The following CPQ variants were observed in gnomAD, a reference collection of about 807,000 sequenced individuals.
The protein encoded by CPQ is carboxypeptidase Q.
Under a neutral mutation model 45.7 loss-of-function variants are expected in CPQ, and 37 were observed. The ratio of observed to expected loss-of-function variants is 0.81; its 90% CI spans 0.62 to 1.07. CPQ has a LOEUF of 1.07. Ranked by LOEUF, CPQ falls within the 50% of genes least tolerant of loss-of-function variation. The pLI, the probability that CPQ is intolerant of heterozygous loss-of-function variation, is 0.00. For synonymous variants in CPQ, 186 were observed against 205.8 expected (o/e 0.90, Z 0.82); for missense variants, 537 against 572.9 (o/e 0.94, Z 0.64).
At chr8:97,043,185 A>G (rs369033475) in intron 6 of CPQ, among the ~76,000 whole-genome samples, 11 of 152,246 alleles carry the variant, frequency 7.2e-5, no homozygotes, top group African/African-American at 2.4e-4. Flanking sequence ...TTGGGTGCAT[A>G]TATATTTAGG....
intron 4 of CPQ, among the ~76,000 whole-genome samples, chr8:96,937,234 CAG>C (rs1452507108): frequency 6.6e-6 from 1 of 152,200 alleles, no homozygotes; most frequent in East Asian, 1.9e-4. Context: ...CACTTAAACT[CAG>C]GGAATCAGGA....
intron 1 of CPQ, among the ~76,000 whole-genome samples, chr8:96,684,258 G>A (rs1809193867): frequency 6.6e-6 from 1 of 152,166 alleles, no homozygotes; most frequent in Non-Finnish European, 1.5e-5. Flanking sequence ...TTTTGATTCT[G>A]GTTGGGCACG....
intron 5 of CPQ, among the ~76,000 whole-genome samples, chr8:97,014,597 G>A (rs1267483442): frequency 6.7e-6 from 1 of 148,220 alleles, no homozygotes; most frequent in Non-Finnish European, 1.5e-5. Flanking sequence ...AGCTGAGATT[G>A]CGCCACTGTA....
At chr8:96,980,080 C>T (rs886087222) in intron 5 of CPQ, among the ~76,000 whole-genome samples, 3 of 152,044 alleles carry the variant, frequency 2.0e-5, no homozygotes, top group Non-Finnish European at 4.4e-5. Context: ...GATTCCAATC[C>T]TTCTGTGCTA....
chr8:96,902,106 G>C (rs1812519280), intron 4 of CPQ, among the ~76,000 whole-genome samples: 1 of 152,102 alleles, frequency 6.6e-6, no homozygotes, highest in East Asian at 1.9e-4. Context: ...GGTCAGTCAA[G>C]GCAATGAGGG....
intron 1 of CPQ, among the ~76,000 whole-genome samples, chr8:96,648,966 C>T (rs1815548278): frequency 1.3e-5 from 2 of 152,160 alleles, no homozygotes; most frequent in African/African-American, 4.8e-5. Context: ...TCTAGATAAT[C>T]CTTTTCAGCA....
intron 5 of CPQ, among the ~76,000 whole-genome samples, chr8:96,974,770 G>A (rs1052108545): frequency 6.6e-6 from 1 of 152,026 alleles, no homozygotes; most frequent in Admixed American, 6.6e-5. Flanking sequence ...TGATCATTGG[G>A]TCAACAATGA....
chr8:97,007,670 AAC>A (rs1809406567), intron 5 of CPQ, among the ~76,000 whole-genome samples: 1 of 152,248 alleles, frequency 6.6e-6, no homozygotes, highest in South Asian at 2.1e-4. Flanking sequence ...AGGCAGCCAG[AAC>A]ACAGTTATGC....
chr8:96,882,459 G>C (rs1812238520), intron 4 of CPQ, among the ~76,000 whole-genome samples: 2 of 152,164 alleles, frequency 1.3e-5, no homozygotes, highest in South Asian at 2.1e-4. Context: ...GTCATCATCA[G>C]GTAGCTAGCC....
At chr8:96,724,694 T>C (rs1809812182) in intron 1 of CPQ, among the ~76,000 whole-genome samples, 1 of 152,154 alleles carries the variant, frequency 6.6e-6, no homozygotes, top group African/African-American at 2.4e-5. Flanking sequence ...AAGAAACTTA[T>C]GGATTCAACA....
At chr8:96,796,485 T>C (rs1307097174) in intron 2 of CPQ, among the ~76,000 whole-genome samples, 1 of 152,162 alleles carries the variant, frequency 6.6e-6, no homozygotes, top group Non-Finnish European at 1.5e-5. Context: ...TCACCTTCTT[T>C]TTCATTTTTT....
At chr8:96,662,187 T>G (rs966763708) in intron 1 of CPQ, among the ~76,000 whole-genome samples, 3 of 152,230 alleles carry the variant, frequency 2.0e-5, no homozygotes, top group Non-Finnish European at 4.4e-5. Context: ...ATAATAGTCC[T>G]TATATTTAAT....
intron 5 of CPQ, among the ~76,000 whole-genome samples, chr8:97,014,695 A>C (rs1281692248): frequency 2.0e-5 from 3 of 152,076 alleles, no homozygotes; most frequent in Non-Finnish European, 2.9e-5. Flanking sequence ...ATGGTCTGAA[A>C]ACCTAAACTT....
At chr8:96,672,945 A>G (rs539423934) in intron 1 of CPQ, among the ~76,000 whole-genome samples, 1 of 152,252 alleles carries the variant, frequency 6.6e-6, no homozygotes, top group East Asian at 1.9e-4. Flanking sequence ...CATCACCCAA[A>G]TAGCAAACAT....
At chr8:96,926,540 TTCTTCC>T (rs760348999) in intron 4 of CPQ, among the ~76,000 whole-genome samples, 2,116 of 127,272 alleles carry the variant, frequency 0.017, 50 homozygotes, top group Admixed American at 0.027. Flanking sequence ...CTTTTTCTTC[TTCTTCC>T]TCTTCCTCTT....
At chr8:96,937,955 T>A (rs148988100) in intron 4 of CPQ, among the ~76,000 whole-genome samples, 14 of 152,320 alleles carry the variant, frequency 9.2e-5, no homozygotes, top group African/African-American at 3.1e-4. Flanking sequence ...CTACCCAGAT[T>A]GTGCATTGTT....
intron 4 of CPQ, among the ~76,000 whole-genome samples, chr8:96,948,470 T>G (rs1813218224): frequency 6.6e-6 from 1 of 152,184 alleles, no homozygotes; most frequent in South Asian, 2.1e-4. Flanking sequence ...CTTTTGCTAT[T>G]GATTTCTGTG....
intron 7 of CPQ, 120 bp from the exon 8 acceptor site, chr8:97,142,900 T>C (rs1171588652): frequency 2.3e-6 from 2 of 852,376 alleles, no homozygotes; most frequent in Non-Finnish European, 3.6e-6. Context: ...CCTGGAAAAG[T>C]AATTATTTTG....
intron 1 of CPQ, among the ~76,000 whole-genome samples, chr8:96,699,519 G>C (rs2130744291): frequency 6.6e-6 from 1 of 152,142 alleles, no homozygotes; most frequent in African/African-American, 2.4e-5. Context: ...AAGGATAAAT[G>C]CTTGAGGTGA....
Sources: allele counts gnomAD v4.1 joint callset (sites outside exome capture counted in the v4.1 genomes callset), GRCh38; gene constraint gnomAD v4.1.1; transcripts MANE v1.5; gene names NCBI Gene and HGNC (gene_info 2026-07-23, HGNC 2026-07-21).